The following CHST11 variants were observed in gnomAD, a reference collection of about 807,000 sequenced individuals.
CHST11 encodes the protein C4S-1.
CHST11 carries 9 observed loss-of-function variants against 30.4 expected under a neutral mutation model. The observed-to-expected ratio is 0.30, with a 90% CI of 0.18 to 0.52. The LOEUF (loss-of-function observed/expected upper bound fraction) is 0.52. Ranked by LOEUF, CHST11 falls within the 20% of genes least tolerant of loss-of-function variation. The probability of loss-of-function intolerance (pLI) is 0.97; values close to 1 mark genes in which losing one functional copy is unlikely to be tolerated. For missense variants in CHST11, 348 were observed against 460.6 expected, an observed-to-expected ratio of 0.76 and a Z score of 2.24; for synonymous variants, 152 against 187.8, an observed-to-expected ratio of 0.81 and a Z score of 1.56.
chr12:104,703,486 AC>A (rs2040007132), intron 2 of CHST11, among the ~76,000 whole-genome samples: 1 of 151,790 alleles, frequency 6.6e-6, no homozygotes, highest in African/African-American at 2.4e-5. Context: ...CAATAATTCA[AC>A]CACTTCCCCC....
intron 1 of CHST11, among the ~76,000 whole-genome samples, chr12:104,492,439 C>G (rs2037756322): frequency 6.6e-6 from 1 of 152,128 alleles, no homozygotes; most frequent in Non-Finnish European, 1.5e-5. Context: ...CATCCATTTC[C>G]CCGAACCAGA....
At chr12:104,684,302 G>GGATGGATA (rs1281754026) in intron 2 of CHST11, among the ~76,000 whole-genome samples, 2 of 150,888 alleles carry the variant, frequency 1.3e-5, no homozygotes, top group East Asian at 3.9e-4. Flanking sequence ...ATGGATGGAT[G>GGATGGATA]GATAGATGGG....
intron 2 of CHST11, among the ~76,000 whole-genome samples, chr12:104,696,482 C>CAAAAAAAAAAAAAAAAA (rs10602668): frequency 1.4e-5 from 1 of 69,140 alleles, no homozygotes. Flanking sequence ...GCTAAAAATA[C>CAAAAAAAAAAAAAAAAA]AAAAAAAAAA....
intron 2 of CHST11, among the ~76,000 whole-genome samples, chr12:104,680,680 C>T (rs1201946381): frequency 6.6e-6 from 1 of 152,228 alleles, no homozygotes; most frequent in Non-Finnish European, 1.5e-5. Context: ...GTCAGTTCCT[C>T]TCAATCCCTC....
rs532475388 is a variant in CHST11 at position 104,600,156 on chromosome 12, A to T, written c.119-1750A>T. 6.6e-6 allele frequency among the ~76,000 whole-genome samples: 1 copy of T among 152,368 alleles called. No homozygotes were observed. Among genetic ancestry groups the T allele is most frequent in the South Asian group, 2.1e-4 (1 of 4,834 alleles). On this transcript the variant is annotated intron_variant, in intron 1 of 2. Coordinates refer to ENST00000303694, the MANE Select transcript of CHST11 (RefSeq NM_018413.6). This position sits in a 1 kb window ranked among gnomAD's most constrained non-coding sequence, Gnocchi z 4.1. ...TTCTGGGCATTGATGATTGACTTTCAGAGTTTCCACGTGGCTCAAAGTGAC... is the reference window on the plus strand; with the variant it reads ...TTCTGGGCATTGATGATTGACTTTCTGAGTTTCCACGTGGCTCAAAGTGAC...
chr12:104,511,826 G>A (rs113970760), intron 1 of CHST11, among the ~76,000 whole-genome samples: 11 of 152,252 alleles, frequency 7.2e-5, no homozygotes, highest in African/African-American at 2.6e-4. Flanking sequence ...CTCAGTAATG[G>A]TAACCACAGT....
intron 1 of CHST11, among the ~76,000 whole-genome samples, chr12:104,500,082 T>G (rs183035812): frequency 1.9e-3 from 285 of 152,330 alleles, no homozygotes; most frequent in Admixed American, 2.7e-3. Context: ...TAATGGTTTG[T>G]TTTTTCCCTT....
chr12:104,656,546 A>G (rs2039546163), intron 2 of CHST11, among the ~76,000 whole-genome samples: 1 of 152,228 alleles, frequency 6.6e-6, no homozygotes, highest in African/African-American at 2.4e-5. Flanking sequence ...GCATGCTGGC[A>G]GAGCTCAGCG....
chr12:104,734,190 T>C (rs947523002), intron 2 of CHST11, among the ~76,000 whole-genome samples: 8 of 152,272 alleles, frequency 5.3e-5, no homozygotes, highest in African/African-American at 1.9e-4. Context: ...CATGCTTCTC[T>C]GCAGAAGTGG....
intron 2 of CHST11, among the ~76,000 whole-genome samples, chr12:104,716,150 A>G (rs536367033): frequency 5.5e-4 from 84 of 152,294 alleles, no homozygotes; most frequent in African/African-American, 2.0e-3. Flanking sequence ...AGCCCTTTGA[A>G]TATCAGCCCC....
chr12:104,511,365 A>G (rs928332431), intron 1 of CHST11, among the ~76,000 whole-genome samples: 3 of 152,194 alleles, frequency 2.0e-5, no homozygotes, highest in African/African-American at 7.2e-5. Flanking sequence ...GGAGAAGAGG[A>G]TGCCAGTTTC....
chr12:104,679,263 G>A (rs1228206218), intron 2 of CHST11, among the ~76,000 whole-genome samples: 1 of 152,154 alleles, frequency 6.6e-6, no homozygotes, highest in Non-Finnish European at 1.5e-5. Context: ...GTAGAATTTA[G>A]CAGTGAGGAC....
chr12:104,610,043 CTGTGTG>C (rs56983056), intron 2 of CHST11, among the ~76,000 whole-genome samples: 2,485 of 143,106 alleles, frequency 0.017, 26 homozygotes, highest in South Asian at 0.023. Flanking sequence ...ATGAGTGCCT[CTGTGTG>C]TGTGTGTGTG....
At chr12:104,591,834 G>A (rs2038861539) in intron 1 of CHST11, 1 of 154,320 alleles carries the variant, frequency 6.5e-6, no homozygotes, top group Middle Eastern at 5.3e-4. Flanking sequence ...ATGTTAGTTT[G>A]TCACACATAG....
Position 104,462,187 on chromosome 12 carries a change from A to AAG in CHST11, c.118+4659_118+4660insGA, listed in dbSNP as rs1260709090. ...CATCTCAAAAAAAAAAAAAAAAAAG[A>AAG]AAAAGAAAAGAAAAAAAGAAAATTT... On this transcript the variant is annotated intron_variant, in intron 1 of 2. Coordinates refer to ENST00000303694, the MANE Select transcript of CHST11 (RefSeq NM_018413.6). 5.8e-3 allele frequency among the ~76,000 whole-genome samples: 841 copies of AAG among 144,374 alleles called. 25 individuals are homozygous for AAG. The highest frequency in any genetic ancestry group is 0.055 in the South Asian group (245 of 4,416). 94.7% of individuals were successfully genotyped at this position (144,374 alleles called of 152,430 possible). A position where few individuals can be genotyped will look rare whatever the true frequency, so the allele number is the denominator to read the frequency against.
intron 2 of CHST11, among the ~76,000 whole-genome samples, chr12:104,671,320 T>C (rs758907547): frequency 2.0e-5 from 3 of 152,222 alleles, no homozygotes; most frequent in Non-Finnish European, 4.4e-5. Flanking sequence ...GGTTGAAATC[T>C]TGGCTCTGCA....
chr12:104,643,463 T>C lies in CHST11; in HGVS notation c.204+41472T>C, dbSNP rs73388131. The stretch of plus-strand genomic sequence containing the variant: ...GGGGTTCTACCCTGTGTTTTCAAAG[T>C]CCAAGTCTTTCCCTCTGTACCATGG... On this transcript the variant is annotated intron_variant, in intron 2 of 2. Transcript: ENST00000303694. 3.9e-3 allele frequency among the ~76,000 whole-genome samples: 598 copies of C among 152,338 alleles called. 7 individuals carry two copies. The highest frequency in any genetic ancestry group is 0.013 in the African/African-American group (559 of 41,574).
chr12:104,527,886 G>GA (rs2038144127), intron 1 of CHST11, among the ~76,000 whole-genome samples: 1 of 151,972 alleles, frequency 6.6e-6, no homozygotes, highest in African/African-American at 2.4e-5. Context: ...CATGGCAGCA[G>GA]GAGAGAGAGT....
chr12:104,516,025 GGGAGACCAT>G (rs2038019202), intron 1 of CHST11, among the ~76,000 whole-genome samples: 1 of 152,216 alleles, frequency 6.6e-6, no homozygotes, highest in Admixed American at 6.5e-5. Flanking sequence ...GAAACACGAA[GGGAGACCAT>G]GTAGTGCAGT....
Sources: allele counts gnomAD v4.1 joint callset (sites outside exome capture counted in the v4.1 genomes callset), GRCh38; gene constraint gnomAD v4.1.1; non-coding constraint Gnocchi (gnomAD v3.1); transcripts MANE v1.5; gene names NCBI Gene and HGNC (gene_info 2026-07-23, HGNC 2026-07-21).